The following GPC5 variants were observed in gnomAD, a reference collection of about 807,000 sequenced individuals.
GPC5 encodes the protein glypican 5.
Under a neutral mutation model 53.9 loss-of-function variants are expected in GPC5, and 47 were observed. The ratio of observed to expected loss-of-function variants is 0.87; its 90% CI spans 0.69 to 1.11. GPC5 has a LOEUF of 1.11. GPC5 is among the 50% of genes most tolerant of loss of function. GPC5 has a pLI of 0.00. For missense variants in GPC5, 748 were observed against 713.1 expected, an observed-to-expected ratio of 1.05 and a Z score of -0.56; for synonymous variants, 286 against 263.3, an observed-to-expected ratio of 1.09 and a Z score of -0.84.
intron 7 of GPC5, among the ~76,000 whole-genome samples, chr13:92,502,806 G>A (rs9523689): frequency 0.57 from 86,736 of 151,696 alleles, 25,474 homozygotes; most frequent in East Asian, 0.75. Context: ...CAGAAAATAG[G>A]TGAGAATGTT....
chr13:91,754,974 C>T (rs2037258691), intron 4 of GPC5, among the ~76,000 whole-genome samples: 2 of 152,056 alleles, frequency 1.3e-5, no homozygotes, highest in Non-Finnish European at 2.9e-5. Context: ...ATACTAAAAA[C>T]TTCTGATTTT....
chr13:92,670,638 T>C (rs1029675639), intron 7 of GPC5, among the ~76,000 whole-genome samples: 4 of 152,162 alleles, frequency 2.6e-5, no homozygotes, highest in African/African-American at 4.8e-5. Context: ...GGGATGTTAC[T>C]AAGAAGAGTA....
At chr13:92,148,509 A>G (rs2041884331) in intron 7 of GPC5, among the ~76,000 whole-genome samples, 1 of 152,172 alleles carries the variant, frequency 6.6e-6, no homozygotes, top group African/African-American at 2.4e-5. Flanking sequence ...TCTCAAAGAA[A>G]GAAGCCATCT....
intron 7 of GPC5, among the ~76,000 whole-genome samples, chr13:92,805,813 T>C (rs2052448783): frequency 6.6e-6 from 1 of 152,020 alleles, no homozygotes; most frequent in African/African-American, 2.4e-5. Flanking sequence ...TAAACAGACA[T>C]GCTGTCATAC....
chr13:92,360,387 C>T (rs1328071851), intron 7 of GPC5, among the ~76,000 whole-genome samples: 1 of 151,684 alleles, frequency 6.6e-6, no homozygotes, highest in Non-Finnish European at 1.5e-5. Context: ...TTCATGATTG[C>T]TTCAATAGAT....
chr13:91,485,626 C>T (rs2139233471), intron 2 of GPC5, among the ~76,000 whole-genome samples: 1 of 152,194 alleles, frequency 6.6e-6, no homozygotes, highest in Non-Finnish European at 1.5e-5. Flanking sequence ...AACAACTGTG[C>T]TCTTTTTTTT....
chr13:91,608,204 A>G (rs1057155466), intron 2 of GPC5, among the ~76,000 whole-genome samples: 10 of 152,192 alleles, frequency 6.6e-5, no homozygotes, highest in East Asian at 3.8e-4. Flanking sequence ...TTATTCAGCA[A>G]TTATTTATGG....
intron 2 of GPC5, among the ~76,000 whole-genome samples, chr13:91,600,348 AGTGT>A (rs1188484947): frequency 1.1e-5 from 1 of 95,182 alleles, no homozygotes; most frequent in African/African-American, 3.1e-5. Context: ...AGAGAGAGAG[AGTGT>A]GTGTGTGTGT....
chr13:91,648,700 A>ATG (rs1566580049), intron 2 of GPC5, among the ~76,000 whole-genome samples: 5 of 150,012 alleles, frequency 3.3e-5, no homozygotes, highest in African/African-American at 1.3e-4. Context: ...ACATACATAC[A>ATG]CATGCATGCA....
At chr13:92,848,604 TATATAGAC>T (rs1386374770) in intron 7 of GPC5, among the ~76,000 whole-genome samples, 3 of 152,074 alleles carry the variant, frequency 2.0e-5, no homozygotes, top group African/African-American at 4.8e-5. Context: ...GTGACAAAAA[TATATAGAC>T]ATATAGACAT....
intron 7 of GPC5, chr13:92,709,454 C>T (rs1004285739): frequency 1.3e-5 from 2 of 152,084 alleles, no homozygotes; most frequent in African/African-American, 2.4e-5. Flanking sequence ...TCTTACATAT[C>T]GATGATTTAT....
At chr13:92,446,234 C>G (rs951116394) in intron 7 of GPC5, among the ~76,000 whole-genome samples, 4 of 151,654 alleles carry the variant, frequency 2.6e-5, no homozygotes, top group African/African-American at 2.4e-5. Flanking sequence ...TTCACCTTCT[C>G]TGCCTTAACC....
intron 7 of GPC5, among the ~76,000 whole-genome samples, chr13:92,303,968 A>G (rs753848333): frequency 3.0e-4 from 46 of 152,200 alleles, no homozygotes; most frequent in Admixed American, 1.1e-3. Context: ...AAGACTCAAC[A>G]TGCTAAGGTA....
At chr13:92,713,477 G>A (rs1174658724) in intron 7 of GPC5, among the ~76,000 whole-genome samples, 10 of 150,536 alleles carry the variant, frequency 6.6e-5, no homozygotes, top group East Asian at 3.9e-4. Context: ...GTGTGGTGGC[G>A]GGCACCTGTA....
At chr13:92,051,500 G>A (rs1336217082) in intron 6 of GPC5, among the ~76,000 whole-genome samples, 2 of 151,618 alleles carry the variant, frequency 1.3e-5, no homozygotes, top group South Asian at 2.1e-4. Flanking sequence ...GCACCCGGAC[G>A]AGACTGCATT....
At chr13:92,568,295 A>G (rs944160908) in intron 7 of GPC5, among the ~76,000 whole-genome samples, 3 of 152,230 alleles carry the variant, frequency 2.0e-5, no homozygotes, top group African/African-American at 7.2e-5. Context: ...ATACCATGAG[A>G]AAATTCTAAG....
intron 6 of GPC5, among the ~76,000 whole-genome samples, chr13:91,973,781 G>A (rs1404384665): frequency 3.3e-5 from 5 of 152,092 alleles, no homozygotes; most frequent in Admixed American, 6.6e-5. Context: ...GCAGAACAGC[G>A]GTGGCTGTAG....
Position 91,572,079 on chromosome 13 carries a change from ATG to A in GPC5, c.326-121106_326-121105del, listed in dbSNP as rs1306446691. Among the ~76,000 whole-genome samples the A allele has an allele frequency of 2.0e-3, 281 of 140,748 alleles. 32 individuals carry two copies. The highest frequency in any genetic ancestry group is 7.3e-3 in the African/African-American group (257 of 35,204). The allele number at this position is 140,748 out of a possible 152,430, so 92.3% of individuals were successfully genotyped here. A position where few individuals can be genotyped will look rare whatever the true frequency, so the allele number is the denominator to read the frequency against. On this transcript the variant is annotated intron_variant, in intron 2 of 7. Coordinates refer to ENST00000377067, the MANE Select transcript of GPC5 (RefSeq NM_004466.6). The stretch of plus-strand genomic sequence containing the variant: ...TATATATACATGTATATACACACAT[ATG>A]TATATGTACATGTGTGTGTATATAC...
chr13:92,036,545 T>C (rs2040894588), intron 6 of GPC5, among the ~76,000 whole-genome samples: 1 of 152,202 alleles, frequency 6.6e-6, no homozygotes, highest in South Asian at 2.1e-4. Flanking sequence ...GATAAGAAAA[T>C]TAACATAAGC....
Sources: gnomAD v4.1 joint callset for allele counts (sites outside exome capture counted in the v4.1 genomes callset) on GRCh38, gnomAD v4.1.1 for gene constraint, MANE v1.5 for transcripts, NCBI Gene and HGNC (gene_info 2026-07-23, HGNC 2026-07-21) for gene names.